GALNTL6: variants seen among roughly 807,000 people sequenced by gnomAD.
GALNTL6 encodes the protein polypeptide N-acetylgalactosaminyltransferase like 6, also known as polypeptide N-acetylgalactosaminyltransferase-like 6.
GALNTL6 carries 46 observed loss-of-function variants against 73.7 expected under a neutral mutation model. The ratio of observed to expected loss-of-function variants is 0.62; its 90% CI spans 0.49 to 0.80. GALNTL6 has a LOEUF of 0.80. Among genes scored for constraint, GALNTL6 ranks in the 30% least tolerant of loss-of-function variants. GALNTL6 has a pLI of 0.00. For synonymous variants in GALNTL6, 259 were observed against 263.7 expected, an observed-to-expected ratio of 0.98 and a Z score of 0.17; for missense variants, 604 against 755.0, an observed-to-expected ratio of 0.80 and a Z score of 2.34.
Position 172,280,409 on chromosome 4 carries a change from TTTC to T in GALNTL6, c.248-31202_248-31200del, listed in dbSNP as rs1739002840. ...GACATAGGACTCTTTAGGATCTCCT[TTTC>T]TTTTATTTTTCAAATGTACATGTAC... is the stretch of plus-strand genomic sequence containing the variant. On this transcript the variant is annotated intron_variant, in intron 3 of 12. Transcript: ENST00000506823. Among the ~76,000 whole-genome samples, 4 of 152,100 alleles carry T rather than the reference TTTC, an allele frequency of 2.6e-5. No individual in the cohort carries two copies. In the South Asian group the frequency reaches 8.3e-4, roughly 31 times the overall value.
Position 172,579,432 on chromosome 4 carries a change from A to G in GALNTL6, c.554-229929A>G, listed in dbSNP as rs370445170. Among the ~76,000 whole-genome samples, 21 of 152,322 alleles carry G rather than the reference A, an allele frequency of 1.4e-4. No homozygotes were observed. The East Asian group carries it at 2.7e-3, about 20-fold the overall frequency. On this transcript the variant is annotated intron_variant, in intron 5 of 12. Coordinates refer to ENST00000506823, the MANE Select transcript of GALNTL6 (RefSeq NM_001034845.3). The stretch of plus-strand genomic sequence containing the variant: ...TGTGTATCATGGCAGATAGTAAAGT[A>G]AGCCTTCCACATAGTAAGACTCATT...
chr4:172,532,161 C>G (rs913927060), intron 5 of GALNTL6, among the ~76,000 whole-genome samples: 1 of 152,120 alleles, frequency 6.6e-6, no homozygotes, highest in Non-Finnish European at 1.5e-5. Context: ...ACACCCAGTA[C>G]TCGTGAATGT....
chr4:173,010,818 A>G (rs6553664), intron 11 of GALNTL6, among the ~76,000 whole-genome samples: 73,081 of 148,818 alleles, frequency 0.49, 19,190 homozygotes, highest in African/African-American at 0.68. Flanking sequence ...TGTTGGCCAG[A>G]ATGGTCTCGA....
chr4:171,956,901 T>C (rs113907393), intron 2 of GALNTL6, among the ~76,000 whole-genome samples: 144 of 152,274 alleles, frequency 9.5e-4, no homozygotes, highest in African/African-American at 3.0e-3. Flanking sequence ...GCCTTCCGAG[T>C]TGTAGAAACT....
chr4:172,305,993 C>T (rs1166002685), intron 3 of GALNTL6, among the ~76,000 whole-genome samples: 4 of 151,926 alleles, frequency 2.6e-5, no homozygotes, highest in East Asian at 1.9e-4. Context: ...TTAGAAGTGA[C>T]AGAATCTAAA....
intron 10 of GALNTL6, among the ~76,000 whole-genome samples, chr4:172,969,059 C>G (rs904364330): frequency 6.6e-6 from 1 of 152,016 alleles, no homozygotes. Flanking sequence ...TAAAACTAAT[C>G]AAAGCTTGAA....
intron 10 of GALNTL6, among the ~76,000 whole-genome samples, chr4:172,996,235 G>T (rs1751774912): frequency 6.6e-6 from 1 of 152,006 alleles, no homozygotes; most frequent in Admixed American, 6.6e-5. Context: ...CATGTCCTTT[G>T]CAGGGACATG....
intron 3 of GALNTL6, among the ~76,000 whole-genome samples, chr4:172,240,619 T>C (rs887245498): frequency 6.6e-6 from 1 of 152,204 alleles, no homozygotes; most frequent in African/African-American, 2.4e-5. Flanking sequence ...TGAGAGTCTT[T>C]CCACAGTTTG....
chr4:172,697,154 G>A (rs546163097), intron 5 of GALNTL6, among the ~76,000 whole-genome samples: 3 of 152,168 alleles, frequency 2.0e-5, no homozygotes, highest in South Asian at 2.1e-4. Context: ...CTTTTTTACA[G>A]CAAATTATGT....
intron 5 of GALNTL6, among the ~76,000 whole-genome samples, chr4:172,612,116 C>T (rs1738547595): frequency 6.6e-6 from 1 of 151,916 alleles, no homozygotes; most frequent in Non-Finnish European, 1.5e-5. Flanking sequence ...TGTAAAATGC[C>T]TGGCTAATAA....
intron 5 of GALNTL6, among the ~76,000 whole-genome samples, chr4:172,405,548 A>G (rs1292750026): frequency 6.6e-6 from 1 of 150,654 alleles, no homozygotes; most frequent in Non-Finnish European, 1.5e-5. Flanking sequence ...ACATATAACC[A>G]TGTTATCTCA....
chr4:172,952,809 C>A (rs1227948670), intron 10 of GALNTL6, among the ~76,000 whole-genome samples: 2 of 152,172 alleles, frequency 1.3e-5, no homozygotes, highest in African/African-American at 4.8e-5. Context: ...AGCCACTATG[C>A]CTGGCCATAA....
intron 3 of GALNTL6, among the ~76,000 whole-genome samples, chr4:172,241,623 T>C (rs1405816052): frequency 1.3e-5 from 2 of 152,186 alleles, no homozygotes; most frequent in African/African-American, 4.8e-5. Flanking sequence ...AAACCCAACA[T>C]TGCAGGACCA....
At chr4:172,587,945 A>G (rs1022198307) in intron 5 of GALNTL6, among the ~76,000 whole-genome samples, 7 of 152,322 alleles carry the variant, frequency 4.6e-5, no homozygotes, top group Admixed American at 4.6e-4. Flanking sequence ...TTTCCTGCAG[A>G]TCATAAACTA....
At chr4:171,869,264 CAT>C (rs1367917756) in intron 2 of GALNTL6, among the ~76,000 whole-genome samples, 9 of 152,146 alleles carry the variant, frequency 5.9e-5, no homozygotes. Flanking sequence ...AGGAAAGAAT[CAT>C]GTCATACAAT....
chr4:172,156,508 A>C (rs1199199474), intron 2 of GALNTL6, among the ~76,000 whole-genome samples: 1 of 140,116 alleles, frequency 7.1e-6, no homozygotes, highest in Non-Finnish European at 1.5e-5. Flanking sequence ...CCACCTAGGC[A>C]GATATTTGAC....
intron 3 of GALNTL6, among the ~76,000 whole-genome samples, chr4:172,253,188 A>G (rs1368447126): frequency 1.3e-5 from 2 of 152,020 alleles, no homozygotes; most frequent in African/African-American, 4.8e-5. Context: ...AAATGGCAGT[A>G]AACAATGTAA....
chr4:172,879,157 A>T (rs1745334867), intron 7 of GALNTL6, among the ~76,000 whole-genome samples: 2 of 151,926 alleles, frequency 1.3e-5, no homozygotes, highest in African/African-American at 4.8e-5. Flanking sequence ...AGGAAGAAAT[A>T]AACAAATCCA....
At position 171,908,308 on chromosome 4, in the gene GALNTL6, C is replaced by G. The variant is rs944950410; in HGVS notation, c.138+93590C>G. 5.7e-3 allele frequency among the ~76,000 whole-genome samples: 869 copies of G among 151,658 alleles called. 10 individuals carry two copies. Among genetic ancestry groups the G allele is most frequent in the African/African-American group, 0.02 (813 of 41,250 alleles). On this transcript the variant is annotated intron_variant, in intron 2 of 12. Coordinates refer to ENST00000506823, the MANE Select transcript of GALNTL6 (RefSeq NM_001034845.3). ...TCAAACAAATTTACAAGAAAAAAAA[C>G]AAACAAACCCATCAAAAAGTGGGAG...
Sources: allele counts gnomAD v4.1 joint callset (sites outside exome capture counted in the v4.1 genomes callset), GRCh38; gene constraint gnomAD v4.1.1; transcripts MANE v1.5; gene names NCBI Gene and HGNC (gene_info 2026-07-23, HGNC 2026-07-21).